CDH4: variants seen among roughly 807,000 people sequenced by gnomAD.
CDH4 encodes the protein cadherin 4.
Under a neutral mutation model 86.0 loss-of-function variants are expected in CDH4, and 33 were observed. That is an observed-to-expected ratio of 0.38 (90% CI 0.29 to 0.51). CDH4 has a LOEUF of 0.51. CDH4 is among the 20% of genes least tolerant of loss of function. The probability of loss-of-function intolerance (pLI) is 0.86; values close to 1 mark genes in which losing one functional copy is unlikely to be tolerated. For synonymous variants in CDH4, 555 were observed against 549.4 expected (o/e 1.01, Z -0.14); for missense variants, 1,114 against 1,307.4 (o/e 0.85, Z 2.28).
chr20:61,535,649 A>T (rs1411246947), intron 2 of CDH4, among the ~76,000 whole-genome samples: 1 of 152,228 alleles, frequency 6.6e-6, no homozygotes, highest in Non-Finnish European at 1.5e-5. Flanking sequence ...TCCCGAGGGC[A>T]GCAGCAGAGC....
intron 2 of CDH4, among the ~76,000 whole-genome samples, chr20:61,366,390 CG>C (rs1410657882): frequency 6.6e-6 from 1 of 152,160 alleles, no homozygotes; most frequent in Non-Finnish European, 1.5e-5. Flanking sequence ...CCAGCTCGGT[CG>C]GGGAGACCCT....
At chr20:61,600,300 C>G (rs915221719) in intron 2 of CDH4, among the ~76,000 whole-genome samples, 1 of 152,246 alleles carries the variant, frequency 6.6e-6, no homozygotes, top group Non-Finnish European at 1.5e-5. Context: ...CAGCTGTGAG[C>G]GTGCCGTATT....
intron 2 of CDH4, among the ~76,000 whole-genome samples, chr20:61,340,275 GGCACC>G (rs2084643213): frequency 6.6e-6 from 1 of 152,218 alleles, no homozygotes; most frequent in African/African-American, 2.4e-5. Flanking sequence ...TACAGTGGAG[GGCACC>G]AGGGAGATGG....
At chr20:61,716,750 A>C (rs1268144076) in intron 2 of CDH4, among the ~76,000 whole-genome samples, 1 of 152,028 alleles carries the variant, frequency 6.6e-6, no homozygotes, top group Non-Finnish European at 1.5e-5. Context: ...CTCTACTAAA[A>C]ATACAAAAAT....
intron 2 of CDH4, among the ~76,000 whole-genome samples, chr20:61,462,896 G>C (rs1376933047): frequency 1.3e-5 from 2 of 152,220 alleles, no homozygotes; most frequent in African/African-American, 4.8e-5. Context: ...GATGAAGCAG[G>C]AGGGTAAGGA....
At chr20:61,665,716 G>A (rs963622223) in intron 2 of CDH4, among the ~76,000 whole-genome samples, 10 of 152,206 alleles carry the variant, frequency 6.6e-5, no homozygotes, top group African/African-American at 2.2e-4. Context: ...GGGCAGCTGA[G>A]CTGTCTTACA....
intron 2 of CDH4, among the ~76,000 whole-genome samples, chr20:61,732,592 T>A (rs2088205369): frequency 6.6e-6 from 1 of 152,124 alleles, no homozygotes; most frequent in Non-Finnish European, 1.5e-5. Context: ...CTCTCTTCAT[T>A]CAGGTTGGCC....
intron 2 of CDH4, among the ~76,000 whole-genome samples, chr20:61,626,545 A>C (rs1036855668): frequency 2.0e-5 from 3 of 152,168 alleles, no homozygotes. Flanking sequence ...TTCACTGCCT[A>C]ACAGGGACAG....
At chr20:61,290,874 G>T (rs537899749) in intron 2 of CDH4, among the ~76,000 whole-genome samples, 2 of 152,250 alleles carry the variant, frequency 1.3e-5, no homozygotes, top group South Asian at 4.1e-4. Flanking sequence ...AAATCTAAGG[G>T]TCTGATGTTA....
At chr20:61,801,745 C>T (rs1979841718) in intron 4 of CDH4, among the ~76,000 whole-genome samples, 1 of 152,240 alleles carries the variant, frequency 6.6e-6, no homozygotes. Context: ...GCACAGCCTC[C>T]TCCAGCCTCT....
intron 2 of CDH4, among the ~76,000 whole-genome samples, chr20:61,475,188 G>A (rs1230769279): frequency 2.6e-5 from 4 of 152,040 alleles, no homozygotes; most frequent in Non-Finnish European, 5.9e-5. Context: ...TCTGAGCACT[G>A]TACCAAAAAG....
chr20:61,748,945 A>G (rs1368811493), intron 3 of CDH4, among the ~76,000 whole-genome samples: 1 of 71,368 alleles, frequency 1.4e-5, no homozygotes, highest in Non-Finnish European at 2.7e-5. Flanking sequence ...GTAATTTAAA[A>G]AATTGATGGA....
At chr20:61,884,056 G>T (rs1480223882) in intron 7 of CDH4, among the ~76,000 whole-genome samples, 1 of 152,194 alleles carries the variant, frequency 6.6e-6, no homozygotes, top group Non-Finnish European at 1.5e-5. Context: ...GGGACTCGCT[G>T]CCTGGAACTG....
At chr20:61,401,433 C>G (rs1338806169) in intron 2 of CDH4, among the ~76,000 whole-genome samples, 1 of 152,120 alleles carries the variant, frequency 6.6e-6, no homozygotes, top group African/African-American at 2.4e-5. Flanking sequence ...TTGCACCCCA[C>G]CCTACCATGG....
At chr20:61,300,855 C>T (rs1204699504) in intron 2 of CDH4, among the ~76,000 whole-genome samples, 1 of 152,164 alleles carries the variant, frequency 6.6e-6, no homozygotes, top group Non-Finnish European at 1.5e-5. Context: ...GGGAAACAAA[C>T]CCACCTCCTC....
intron 4 of CDH4, among the ~76,000 whole-genome samples, 171 bp from the exon 5 acceptor site, chr20:61,844,497 A>T (rs1246938132): frequency 6.6e-6 from 1 of 151,720 alleles, no homozygotes; most frequent in Non-Finnish European, 1.5e-5. Context: ...AACCCTGACC[A>T]CCGACTGTCC....
chr20:61,657,443 C>T (rs1259251508), intron 2 of CDH4, among the ~76,000 whole-genome samples: 10 of 152,248 alleles, frequency 6.6e-5, no homozygotes. Context: ...ATTTTCAAAG[C>T]ACCTTAATAA....
At chr20:61,581,971 C>G (rs541294024) in intron 2 of CDH4, among the ~76,000 whole-genome samples, 6 of 152,334 alleles carry the variant, frequency 3.9e-5, no homozygotes, top group Non-Finnish European at 7.4e-5. Flanking sequence ...TCCCAGCGTT[C>G]GGCATGGCTG....
At chr20:61,383,432 CATATATGA>C (rs1339538260) in intron 2 of CDH4, among the ~76,000 whole-genome samples, 1 of 58,720 alleles carries the variant, frequency 1.7e-5, no homozygotes, top group Non-Finnish European at 3.2e-5. Context: ...TGATATATAT[CATATATGA>C]ATATATATTC....
Sources: allele counts gnomAD v4.1 joint callset (sites outside exome capture counted in the v4.1 genomes callset), GRCh38; gene constraint gnomAD v4.1.1; transcripts MANE v1.5; gene names NCBI Gene and HGNC (gene_info 2026-07-23, HGNC 2026-07-21).